The following KLHL32 variants were observed in gnomAD, a reference collection of about 807,000 sequenced individuals.
KLHL32 encodes the protein kelch like family member 32.
A neutral mutation model predicts 64.8 loss-of-function variants in KLHL32; 35 were observed. That is an observed-to-expected ratio of 0.54 (90% CI 0.41 to 0.72). The LOEUF (loss-of-function observed/expected upper bound fraction) is 0.72. KLHL32 is among the 30% of genes least tolerant of loss of function. The pLI is 0.00. For missense variants in KLHL32, 589 were observed against 768.5 expected (o/e 0.77, Z 2.76); for synonymous variants, 259 against 281.0 (o/e 0.92, Z 0.78).
At chr6:97,025,206 T>TA in intron 3 of KLHL32, 1 of 834,306 alleles carries the variant, frequency 1.2e-6, no homozygotes, top group Non-Finnish European at 1.4e-6. Flanking sequence ...ATCGTCTTTG[T>TA]AAAAATCTGA....
At chr6:97,085,399 T>G (rs981921058) in intron 6 of KLHL32, 58 bp downstream of exon 6, 1 of 1,450,072 alleles carries the variant, frequency 6.9e-7, no homozygotes, top group African/African-American at 1.4e-5. Flanking sequence ...TGATTGGAAG[T>G]TAAAGGACTG....
chr6:96,958,916 G>A (rs1444392791), intron 1 of KLHL32, among the ~76,000 whole-genome samples: 2 of 152,164 alleles, frequency 1.3e-5, no homozygotes, highest in Admixed American at 6.5e-5. Flanking sequence ...AGGTGATGGT[G>A]CTTCAAGCAT....
In KLHL32 at chr6:97,139,948, C is replaced by G. The variant is rs1177986677; in HGVS notation, c.*666C>G. The G allele has an allele frequency of 3.3e-5, 5 of 152,096 alleles. No individual in the cohort carries two copies. Among genetic ancestry groups the G allele is most frequent in the African/African-American group, 9.7e-5 (4 of 41,422 alleles). The allele number at this position is 152,096 out of a possible 1,614,324, so 9.4% of individuals were successfully genotyped here. The stretch of plus-strand genomic sequence containing the variant: ...TAAGGAGGATAATTACTGATTTCCA[C>G]GTTAATTTAAAAGAACATTATGAGG... On this transcript the variant is annotated 3_prime_UTR_variant, in exon 11 of 11. Coordinates refer to ENST00000369261, the MANE Select transcript of KLHL32 (RefSeq NM_052904.4).
At chr6:97,028,902 G>A (rs976869298) in intron 3 of KLHL32, among the ~76,000 whole-genome samples, 4 of 152,224 alleles carry the variant, frequency 2.6e-5, no homozygotes, top group Admixed American at 6.5e-5. Context: ...GTGATCCCAC[G>A]TTCAGGGGAT....
chr6:97,039,558 ACG>A (rs1308827518), intron 3 of KLHL32, among the ~76,000 whole-genome samples: 2 of 105,824 alleles, frequency 1.9e-5, no homozygotes, highest in African/African-American at 4.7e-5. Flanking sequence ...GCAGTGGTTC[ACG>A]CCTGTAATCC....
chr6:96,932,564 T>TC (rs34910862), intron 1 of KLHL32, among the ~76,000 whole-genome samples: 15,690 of 114,120 alleles, frequency 0.14, 1,313 homozygotes, highest in Non-Finnish European at 0.16. Context: ...GTTGTCAATT[T>TC]CCCCCCCCCC....
intron 3 of KLHL32, among the ~76,000 whole-genome samples, chr6:96,984,533 G>A (rs1163012593): frequency 6.6e-6 from 1 of 152,140 alleles, no homozygotes; most frequent in Admixed American, 6.5e-5. Flanking sequence ...AGGTCTCTAA[G>A]GACTTGCTTT....
intron 6 of KLHL32, among the ~76,000 whole-genome samples, chr6:97,092,225 G>A (rs1246627772): frequency 6.6e-6 from 1 of 152,056 alleles, no homozygotes; most frequent in African/African-American, 2.4e-5. Flanking sequence ...TCCTGACCTC[G>A]TGATCCACCT....
chr6:97,130,822 A>C lies in KLHL32; in HGVS notation c.1479A>C (p.Gln493His), dbSNP rs764191289. The C allele has an allele frequency of 1.9e-6, 3 of 1,613,984 alleles. No homozygotes were observed. The African/African-American group carries it at 4.0e-5, about 22-fold the overall frequency. Residue 493 changes from glutamine to histidine, a missense_variant, in exon 9 of 11, where the codon CAA becomes CAC. Physicochemically the swap from Gln to His is conservative, Grantham distance 24. Transcript: ENST00000369261. ...TCTACCATTCCATGGCTGCTGTACA[A>C]AGGAAGCTTTATGTTCTTGGAGGCA... ...RRVYHSMAAV[Q>H]RKLYVLGGND...
chr6:96,978,806 G>C (rs1322275456), intron 3 of KLHL32, among the ~76,000 whole-genome samples: 1 of 152,108 alleles, frequency 6.6e-6, no homozygotes, highest in Non-Finnish European at 1.5e-5. Context: ...TCCATCATCT[G>C]CTATTTTTTT....
chr6:96,967,327 A>G (rs1013643243), intron 2 of KLHL32, among the ~76,000 whole-genome samples: 9 of 151,968 alleles, frequency 5.9e-5, no homozygotes, highest in African/African-American at 1.9e-4. Context: ...TTTTTTTCTT[A>G]TTTAGGATGC....
upstream of KLHL32, among the ~76,000 whole-genome samples, chr6:96,920,629 A>G (rs2127981661): frequency 6.6e-6 from 1 of 152,202 alleles, no homozygotes; most frequent in East Asian, 1.9e-4. Context: ...CACAAACTGC[A>G]TCACATTATA....
chr6:96,970,854 A>T (rs1775031387), intron 2 of KLHL32, among the ~76,000 whole-genome samples: 1 of 152,190 alleles, frequency 6.6e-6, no homozygotes, highest in African/African-American at 2.4e-5. Context: ...AAATGAAATT[A>T]TTTTATTATA....
At chr6:97,012,968 A>G (rs17057222) in intron 3 of KLHL32, among the ~76,000 whole-genome samples, 8,420 of 152,160 alleles carry the variant, frequency 0.055, 453 homozygotes, top group African/African-American at 0.14. Context: ...TCAAAATTTC[A>G]TCTTTTTCTT....
chr6:97,075,791 A>G (rs1791509639), intron 5 of KLHL32, among the ~76,000 whole-genome samples: 1 of 152,188 alleles, frequency 6.6e-6, no homozygotes, highest in Admixed American at 6.5e-5. Flanking sequence ...TGGAATCACA[A>G]CTGGGTATGG....
At chr6:97,068,033 CAT>C (rs1261708759) in intron 5 of KLHL32, among the ~76,000 whole-genome samples, 20 of 149,894 alleles carry the variant, frequency 1.3e-4, no homozygotes, top group African/African-American at 4.5e-4. Context: ...CACACACACA[CAT>C]ACACACACCA....
intron 4 of KLHL32, among the ~76,000 whole-genome samples, chr6:97,044,923 G>T (rs565309399): frequency 9.6e-4 from 145 of 151,728 alleles, no homozygotes; most frequent in African/African-American, 3.5e-3. Flanking sequence ...TCTGGCTAAA[G>T]TTTTGTTGAT....
rs13208956 is a variant in KLHL32, at chr6:97,132,663, A to G, written c.1617A>G (p.Glu539=). 0.036 allele frequency: 57,496 copies of G among 1,607,974 alleles called. 1,206 individuals carry two copies. Among genetic ancestry groups the G allele is most frequent in the Middle Eastern group, 0.052 (314 of 6,044 alleles). ...TTCTCTTTACTTTAGGCCAAAATGA[A>G]TCTGGAGTTGCTGTCCATAATGGGA... ...CNFNLLTGQN[E]SGVAVHNGRI... The change falls in exon 10 of 11, where the codon GAA becomes GAG. Residue 539 remains glutamate (E), a synonymous_variant. Coordinates refer to ENST00000369261, the MANE Select transcript of KLHL32 (RefSeq NM_052904.4).
At chr6:97,075,546 A>AT (rs1225764918) in intron 5 of KLHL32, among the ~76,000 whole-genome samples, 6 of 152,328 alleles carry the variant, frequency 3.9e-5, no homozygotes, top group African/African-American at 1.4e-4. Context: ...CACAATAAAC[A>AT]TGATAACTTC....
Sources: allele counts gnomAD v4.1 joint callset (sites outside exome capture counted in the v4.1 genomes callset), GRCh38; gene constraint gnomAD v4.1.1; transcripts MANE v1.5; gene names NCBI Gene and HGNC (gene_info 2026-07-23, HGNC 2026-07-21).